FREM1: variants seen among roughly 807,000 people sequenced by gnomAD.
The protein encoded by FREM1 is FRAS1 related extracellular matrix 1, also known as FRAS1-related extracellular matrix protein 1.
FREM1 carries 220 observed loss-of-function variants against 210.1 expected under a neutral mutation model. The observed-to-expected ratio is 1.05, with a 90% CI of 0.94 to 1.17. The LOEUF (loss-of-function observed/expected upper bound fraction) is 1.17, where lower values mean the gene tolerates loss of function less well. Ranked by LOEUF, FREM1 falls within the 50% of genes most tolerant of loss-of-function variation. FREM1 has a pLI of 0.00. For synonymous variants in FREM1, 1,189 were observed against 980.2 expected (o/e 1.21, Z -3.98); for missense variants, 3,454 against 2,675.5 (o/e 1.29, Z -6.42).
chr9:14,780,184 A>T (rs1849425572), intron 24 of FREM1, among the ~76,000 whole-genome samples: 1 of 151,930 alleles, frequency 6.6e-6, no homozygotes, highest in South Asian at 2.1e-4. Flanking sequence ...CCTTCTGTGG[A>T]TCCATTTTGT....
At chr9:14,876,332 C>T (rs944754719) in intron 1 of FREM1, among the ~76,000 whole-genome samples, 1 of 152,144 alleles carries the variant, frequency 6.6e-6, no homozygotes, top group Non-Finnish European at 1.5e-5. Context: ...GGGCTCCACG[C>T]AGTTCGAGCT....
At chr9:14,737,631 A>C (rs765484317) in intron 36 of FREM1, 36 bp from the exon 37 acceptor site, 1 of 1,422,256 alleles carries the variant, frequency 7.0e-7, no homozygotes, top group South Asian at 1.6e-5. Context: ...AATTACTTTT[A>C]TTGCGTTTAT....
intron 5 of FREM1, among the ~76,000 whole-genome samples, chr9:14,856,618 G>A (rs1325454420): frequency 6.6e-6 from 1 of 152,060 alleles, no homozygotes; most frequent in African/African-American, 2.4e-5. Flanking sequence ...TGGATCACGA[G>A]GTCAGGAGAT....
rs376651312 is a variant in FREM1 at position 14,864,195 on chromosome 9, T to G, written c.235-292A>C. On this transcript the variant is annotated intron_variant, in intron 2 of 36. Transcript: ENST00000380880. ...TCTAAATAAGTGTCTTTTTACCACC[T>G]AGAGTGCATTTAAAACATACTTTCA... Among the ~76,000 whole-genome samples, 6 of 152,344 alleles carry G rather than the reference T, an allele frequency of 3.9e-5. 1 individual carries two copies. Among genetic ancestry groups the G allele is most frequent in the African/African-American group, 1.4e-4 (6 of 41,584 alleles).
At chr9:14,774,633 T>C (rs111868472) in intron 25 of FREM1, among the ~76,000 whole-genome samples, 1 of 152,092 alleles carries the variant, frequency 6.6e-6, no homozygotes, top group Non-Finnish European at 1.5e-5. Flanking sequence ...ATTTTATCTA[T>C]TTTGTGTTTG....
chr9:14,775,890 A>C lies in FREM1; in HGVS notation c.4756T>G (p.Ser1586Ala). ...ATGAAAGTAAAGCAGTCAGTCTGGG[A>C]GTCCCCTCCTGAGTGCCGATAGGCC... ...NVAYRHSGGDSQTDCFTFMAT... is the reference protein window; with the variant it reads ...NVAYRHSGGDAQTDCFTFMAT... The change falls in exon 25 of 37, where the codon TCC becomes GCC. Residue 1586 changes from serine (S) to alanine (A), a missense_variant. Ser to Ala is a moderately conservative substitution (Grantham distance 99). Coordinates refer to ENST00000380880, the MANE Select transcript of FREM1 (RefSeq NM_001379081.2). 1 of 1,613,916 alleles carries C rather than the reference A, an allele frequency of 6.2e-7. No homozygotes were observed. Among genetic ancestry groups the C allele is most frequent in the Non-Finnish European group, 8.5e-7 (1 of 1,179,818 alleles).
rs200081307 is a variant in FREM1 at position 14,842,638 on chromosome 9, G to A, written c.1416C>T (p.Thr472=). 26 of 1,613,370 alleles carry A rather than the reference G, an allele frequency of 1.6e-5. No homozygotes were observed. Among genetic ancestry groups the A allele is most frequent in the East Asian group, 8.9e-5 (4 of 44,880 alleles). The change falls in exon 9 of 37, where the codon ACC becomes ACT. Residue 472 remains threonine, a synonymous_variant. Coordinates refer to ENST00000380880, the MANE Select transcript of FREM1 (RefSeq NM_001379081.2). ...CAACTCCAGCCTGGAGGTCAGCCAC[G>A]GTGAAGAGAAACCCTTTCCCCCCTG... ...TLRGGKGFLF[T]VADLQAGVVR...
At chr9:14,888,552 C>A (rs747755139) in intron 1 of FREM1, among the ~76,000 whole-genome samples, 4 of 152,156 alleles carry the variant, frequency 2.6e-5, no homozygotes, top group African/African-American at 7.2e-5. Context: ...AAGAGAGATA[C>A]CCTGTCTACC....
intron 27 of FREM1, among the ~76,000 whole-genome samples, chr9:14,761,991 T>C (rs1369440363): frequency 1.3e-5 from 2 of 152,184 alleles, no homozygotes; most frequent in Non-Finnish European, 2.9e-5. Context: ...GTATGTGCAG[T>C]ACAGGAAAAA....
At chr9:14,830,596 A>G (rs1164728828) in intron 10 of FREM1, among the ~76,000 whole-genome samples, 1 of 152,180 alleles carries the variant, frequency 6.6e-6, no homozygotes, top group Admixed American at 6.5e-5. Flanking sequence ...ATGTTAAAAA[A>G]ATGTGCCCAC....
At chr9:14,800,617 T>C (rs761580331) in intron 20 of FREM1, among the ~76,000 whole-genome samples, 1 of 151,916 alleles carries the variant, frequency 6.6e-6, no homozygotes, top group African/African-American at 2.4e-5. Flanking sequence ...ATCTCAATAG[T>C]TTTAAAAAGG....
intron 30 of FREM1, 147 bp from the exon 31 acceptor site, chr9:14,748,786 A>T: frequency 3.4e-6 from 2 of 588,614 alleles, no homozygotes; most frequent in South Asian, 2.5e-5. Context: ...TTTGCCAGAA[A>T]CTCCTTTACT....
rs763502180 is a variant in FREM1, at chr9:14,819,408, C to A, written c.2372G>T (p.Gly791Val). The A allele has an allele frequency of 1.2e-6, 2 of 1,613,240 alleles. No homozygotes were observed. Among genetic ancestry groups the A allele is most frequent in the Non-Finnish European group, 1.7e-6 (2 of 1,179,444 alleles). The change falls in exon 14 of 37, where the codon GGT becomes GTT. Residue 791 changes from glycine to valine, a missense_variant. By Grantham distance (109) the Gly-to-Val change is moderately radical (BLOSUM62 -3). Transcript: ENST00000380880. The part of the protein sequence containing the change: ...FTNPLKVTEG[G>V]QSIISTEHIL... ...GTGCTCTGTGCTGATGATGCTTTGA[C>A]CTCCCTCAGTCACTTTCAGAGGGTT... is the stretch of plus-strand genomic sequence containing the variant.
At chr9:14,832,401 G>A (rs969353465) in intron 10 of FREM1, among the ~76,000 whole-genome samples, 9 of 152,148 alleles carry the variant, frequency 5.9e-5, no homozygotes, top group African/African-American at 1.7e-4. Flanking sequence ...AGCTCTGCAC[G>A]CAGAAGAGAA....
Position 14,855,869 on chromosome 9 carries a change from T to C in FREM1, c.828+1684A>G, listed in dbSNP as rs549399057. ...GAGAAAATTTGATCAAAAAGAAAAA[T>C]GGCTCCAATTTTTTTTCAATGGATA... On this transcript the variant is annotated intron_variant, in intron 5 of 36. Transcript: ENST00000380880. Among the ~76,000 whole-genome samples, 29 of 152,134 alleles carry C rather than the reference T, an allele frequency of 1.9e-4. 1 individual carries two copies. Among genetic ancestry groups the C allele is most frequent in the African/African-American group, 6.3e-4 (26 of 41,526 alleles).
chr9:14,907,330 T>C (rs1484234509), intron 1 of FREM1, among the ~76,000 whole-genome samples: 1 of 152,180 alleles, frequency 6.6e-6, no homozygotes, highest in African/African-American at 2.4e-5. Context: ...CAAAATATAG[T>C]ATAGACAGTA....
chr9:14,800,814 T>A (rs1817130845), intron 20 of FREM1, among the ~76,000 whole-genome samples: 1 of 152,210 alleles, frequency 6.6e-6, no homozygotes, highest in Non-Finnish European at 1.5e-5. Flanking sequence ...GACAAATGAA[T>A]AAAGTAGGTG....
rs1268680866 is a variant in FREM1, at chr9:14,808,073, CTCTCCA to C, written c.2949_2954del (p.Asp983_Gly984del). On this transcript the variant is annotated inframe_deletion, in exon 17 of 37. Transcript: ENST00000380880. ...AACAGCCATTCACAAAAGGGCCAGC[CTCTCCA>C]TCCGAAACCACCAATGTAATGGTGT... 1.2e-6 allele frequency: 2 copies of C among 1,613,464 alleles called. No individual in the cohort carries two copies. The highest frequency in any genetic ancestry group is 1.7e-6 in the Non-Finnish European group (2 of 1,179,694).
In FREM1 at chr9:14,748,642, G is replaced by C. The variant is rs1842855302; in HGVS notation, c.5558-3C>G. On this transcript the variant is annotated splice_region_variant and splice_polypyrimidine_tract_variant and intron_variant, in intron 30 of 36. Transcript: ENST00000380880. ...GGAATATGAAGGATGGCATTGTCCTGGAGGCATGCAAGATGGCAGGCGGTC... is the reference window on the plus strand; with the variant it reads ...GGAATATGAAGGATGGCATTGTCCTCGAGGCATGCAAGATGGCAGGCGGTC... 2.5e-6 allele frequency: 4 copies of C among 1,594,642 alleles called. No homozygotes were observed. The Admixed American group carries it at 5.1e-5, about 20-fold the overall frequency.
Sources: allele counts gnomAD v4.1 joint callset (sites outside exome capture counted in the v4.1 genomes callset), GRCh38; gene constraint gnomAD v4.1.1; transcripts MANE v1.5; gene names NCBI Gene and HGNC (gene_info 2026-07-23, HGNC 2026-07-21).